The following TNIK variants were observed in gnomAD, a reference collection of about 807,000 sequenced individuals.
TNIK encodes the protein TRAF2 and NCK interacting kinase.
TNIK carries 49 observed loss-of-function variants against 191.3 expected under a neutral mutation model. The ratio of observed to expected loss-of-function variants is 0.26; its 90% CI spans 0.20 to 0.32. TNIK has a LOEUF of 0.32. Ranked by LOEUF, TNIK falls within the 10% of genes least tolerant of loss-of-function variation. TNIK has a pLI of 1.00. For synonymous variants in TNIK, 594 were observed against 600.9 expected, an observed-to-expected ratio of 0.99 and a Z score of 0.17; for missense variants, 1,155 against 1,702.3, an observed-to-expected ratio of 0.68 and a Z score of 5.66.
rs1260440670 is a variant in TNIK, at chr3:171,335,382, AACC to A, written c.123+34235_123+34237del. On this transcript the variant is annotated intron_variant, in intron 2 of 32. Transcript: ENST00000436636. ...TTTTAACAAATGTATACAGTCACATAACCACCACAATTAATCCTAAAAAGTTCT... is the reference window on the plus strand; with the variant it reads ...TTTTAACAAATGTATACAGTCACATAACCACAATTAATCCTAAAAAGTTCT... Among the ~76,000 whole-genome samples, 50 of 152,346 alleles carry A rather than the reference AACC, an allele frequency of 3.3e-4. 2 individuals are homozygous for A. The highest frequency in any genetic ancestry group is 3.4e-3 in the Middle Eastern group (1 of 294).
At chr3:171,231,120 G>T (rs779221733) in intron 2 of TNIK, among the ~76,000 whole-genome samples, 13 of 152,210 alleles carry the variant, frequency 8.5e-5, no homozygotes, top group Non-Finnish European at 1.8e-4. Context: ...CCCATCAGCA[G>T]CCTAGGGCTG....
At position 171,126,082 on chromosome 3, in the gene TNIK, GCTGCTCGTGCACTGA is replaced by G. The variant is rs753051290; in HGVS notation, c.1828_1842del (p.Ser610_Gln614del). 1.2e-6 allele frequency: 2 copies of G among 1,611,388 alleles called. No homozygotes were observed. The highest frequency in any genetic ancestry group is 2.2e-5 in the South Asian group (2 of 90,728). On this transcript the variant is annotated inframe_deletion, in exon 17 of 33. Coordinates refer to ENST00000436636, the MANE Select transcript of TNIK (RefSeq NM_015028.4). Reference sequence around the variant, plus strand: ...TGAAACCCAGAGAGGCCCTTTGTGGGCTGCTCGTGCACTGACTGGGAGGCGGTCAAGGCAGGTCCC... The same window carrying G: ...TGAAACCCAGAGAGGCCCTTTGTGGGCTGGGAGGCGGTCAAGGCAGGTCCC...
chr3:171,272,434 G>C (rs16856093), intron 2 of TNIK, among the ~76,000 whole-genome samples: 47,111 of 152,070 alleles, frequency 0.31, 7,439 homozygotes, highest in Non-Finnish European at 0.32. Flanking sequence ...AGATGGCACC[G>C]TACACATCGA....
At chr3:171,280,412 T>A (rs558957568) in intron 2 of TNIK, among the ~76,000 whole-genome samples, 16 of 152,336 alleles carry the variant, frequency 1.1e-4, no homozygotes, top group South Asian at 8.3e-4. Context: ...ATCAGGCACT[T>A]AACCTCTGTG....
rs1718050583 is a variant in TNIK at position 171,063,544 on chromosome 3, C to A, written c.*337G>T. On this transcript the variant is annotated 3_prime_UTR_variant, in exon 33 of 33. Transcript: ENST00000436636. The stretch of plus-strand genomic sequence containing the variant: ...AGGGGTAAAGAAAAAAGGTAAAAAC[C>A]TGAAAACCCACCATAACACAGCTTA... The A allele has an allele frequency of 1.6e-5, 3 of 188,294 alleles. No homozygotes were observed. Among genetic ancestry groups the A allele is most frequent in the Non-Finnish European group, 3.3e-5 (3 of 92,056 alleles). The allele number at this position is 188,294 out of a possible 1,614,324, so 11.7% of individuals were successfully genotyped here. A position where few individuals can be genotyped will look rare whatever the true frequency, so the allele number is the denominator to read the frequency against.
At chr3:171,207,362 T>A (rs973854727) in intron 4 of TNIK, among the ~76,000 whole-genome samples, 1 of 151,386 alleles carries the variant, frequency 6.6e-6, no homozygotes, top group Non-Finnish European at 1.5e-5. Context: ...TCTTTTTTTT[T>A]AAATTTTAAT....
intron 2 of TNIK, among the ~76,000 whole-genome samples, chr3:171,260,430 G>T (rs1414905772): frequency 1.3e-5 from 2 of 152,082 alleles, no homozygotes; most frequent in Non-Finnish European, 2.9e-5. Context: ...TGGGGAAATG[G>T]CATCCCTTCC....
intron 2 of TNIK, among the ~76,000 whole-genome samples, chr3:171,324,493 T>C (rs1469012967): frequency 4.6e-5 from 7 of 152,106 alleles, no homozygotes; most frequent in Non-Finnish European, 8.8e-5. Context: ...GAGTGAGCCC[T>C]GTTGTATCTG....
chr3:171,091,149 TGTAA>T (rs138100397), intron 23 of TNIK, among the ~76,000 whole-genome samples: 2,085 of 152,328 alleles, frequency 0.014, 49 homozygotes, highest in African/African-American at 0.047. Context: ...CTGGTATGTC[TGTAA>T]GTGTTTCTGG....
At chr3:171,281,191 A>C (rs1182357750) in intron 2 of TNIK, among the ~76,000 whole-genome samples, 1 of 152,210 alleles carries the variant, frequency 6.6e-6, no homozygotes, top group Admixed American at 6.5e-5. Context: ...GGCCTCAAAA[A>C]AAAAAATGGC....
intron 16 of TNIK, 64 bp from the exon 17 acceptor site, chr3:171,126,215 A>G: frequency 6.9e-7 from 1 of 1,450,058 alleles, no homozygotes; most frequent in Non-Finnish European, 9.0e-7. Flanking sequence ...CCAGTACCTC[A>G]GTGAGCTGAA....
At chr3:171,275,595 G>A (rs561998050) in intron 2 of TNIK, among the ~76,000 whole-genome samples, 46 of 152,214 alleles carry the variant, frequency 3.0e-4, no homozygotes, top group South Asian at 2.3e-3. Context: ...TTCAGAATTT[G>A]AAGTTATCAT....
chr3:171,234,782 T>C (rs749384483), intron 2 of TNIK, among the ~76,000 whole-genome samples: 3 of 152,158 alleles, frequency 2.0e-5, no homozygotes, highest in Non-Finnish European at 4.4e-5. Context: ...CTAATGCCTG[T>C]ACCCAGGAAA....
intron 17 of TNIK, among the ~76,000 whole-genome samples, chr3:171,124,154 A>T (rs1728158173): frequency 6.6e-6 from 1 of 152,216 alleles, no homozygotes; most frequent in Admixed American, 6.5e-5. Flanking sequence ...GAAATCATGA[A>T]ATCTGGTGAG....
At chr3:171,168,522 G>A (rs578118272) in intron 9 of TNIK, among the ~76,000 whole-genome samples, 1 of 152,294 alleles carries the variant, frequency 6.6e-6, no homozygotes. Flanking sequence ...CTCTAGTGCT[G>A]CCCTGGTCAA....
chr3:171,310,886 T>C (rs1440121999), intron 2 of TNIK, among the ~76,000 whole-genome samples: 2 of 152,160 alleles, frequency 1.3e-5, no homozygotes, highest in Admixed American at 6.6e-5. Context: ...AGCAAAAATA[T>C]TTACTTTTTA....
intron 15 of TNIK, among the ~76,000 whole-genome samples, chr3:171,131,588 G>A (rs1374047443): frequency 3.9e-5 from 6 of 152,092 alleles, no homozygotes; most frequent in Admixed American, 2.6e-4. Flanking sequence ...ATTATTTCAG[G>A]AAGGCTCCAG....
chr3:171,234,831 C>A (rs961175466), intron 2 of TNIK, among the ~76,000 whole-genome samples: 1 of 152,162 alleles, frequency 6.6e-6, no homozygotes, highest in South Asian at 2.1e-4. Flanking sequence ...ACGAGGCAGA[C>A]AAGATGAGGG....
chr3:171,180,042 C>T (rs1736456493), intron 7 of TNIK, among the ~76,000 whole-genome samples: 1 of 152,120 alleles, frequency 6.6e-6, no homozygotes, highest in Non-Finnish European at 1.5e-5. Flanking sequence ...CTAACTGCAA[C>T]AGAAGGGTCC....
Sources: gnomAD v4.1 joint callset for allele counts (sites outside exome capture counted in the v4.1 genomes callset) on GRCh38, gnomAD v4.1.1 for gene constraint, MANE v1.5 for transcripts, NCBI Gene and HGNC (gene_info 2026-07-23, HGNC 2026-07-21) for gene names.